The following ACYP2 variants were observed in gnomAD, a reference collection of about 807,000 sequenced individuals.
ACYP2 encodes the protein acylphosphatase-2.
ACYP2 carries 12 observed loss-of-function variants against 11.2 expected under a neutral mutation model. The ratio of observed to expected loss-of-function variants is 1.08; its 90% CI spans 0.69 to 1.74. The LOEUF (loss-of-function observed/expected upper bound fraction) is 1.74. ACYP2 is among the 40% of genes most tolerant of loss of function. ACYP2 has a pLI of 0.00. For missense variants in ACYP2, 134 were observed against 101.9 expected (o/e 1.31, Z -1.35); for synonymous variants, 43 against 32.2 (o/e 1.33, Z -1.13).
intron 2 of ACYP2, among the ~76,000 whole-genome samples, chr2:54,035,114 C>T (rs1200257840): frequency 1.3e-5 from 2 of 151,032 alleles, no homozygotes; most frequent in Non-Finnish European, 2.9e-5. Context: ...GGCAAAATCA[C>T]TTAACTTCTC....
At chr2:54,279,332 A>G (rs1052168770) in intron 6 of ACYP2, among the ~76,000 whole-genome samples, 2 of 152,218 alleles carry the variant, frequency 1.3e-5, no homozygotes, top group Non-Finnish European at 2.9e-5. Context: ...ATAGTGACCC[A>G]GTTGAGTAAA....
chr2:54,158,961 G>GCTAA lies in ACYP2; in HGVS notation c.404+20218_404+20221dup, dbSNP rs527671159. Among the ~76,000 whole-genome samples, 13 of 152,198 alleles carry GCTAA rather than the reference G, an allele frequency of 8.5e-5. No individual in the cohort carries two copies. The East Asian group carries it at 2.3e-3, about 27-fold the overall frequency. On this transcript the variant is annotated intron_variant, in intron 6 of 6. Transcript: ENST00000607452. ...TTTCTCTTTTTTGGGGCAAGGGTCA[G>GCTAA]CTAACTAAACATTTGGTTTGATATT...
intron 6 of ACYP2, chr2:54,141,958 C>T (rs953437290): frequency 8.9e-6 from 5 of 561,250 alleles, no homozygotes; most frequent in Middle Eastern, 2.7e-4. Flanking sequence ...CCACGTCAAC[C>T]TCCTGAGTGC....
intron 6 of ACYP2, among the ~76,000 whole-genome samples, chr2:54,257,071 G>GT (rs1305446792): frequency 6.6e-6 from 1 of 151,968 alleles, no homozygotes; most frequent in Admixed American, 6.6e-5. Flanking sequence ...TTTCTGCTCT[G>GT]TTTAAGAAAT....
chr2:54,255,303 C>T, intron 6 of ACYP2: 5 of 1,614,132 alleles, frequency 3.1e-6, no homozygotes, highest in Non-Finnish European at 2.5e-6. Context: ...GTCTGAGCTC[C>T]TTCACTTCCA....
chr2:54,179,115 C>CG (rs1683596527), intron 6 of ACYP2, among the ~76,000 whole-genome samples: 1 of 151,870 alleles, frequency 6.6e-6, no homozygotes, highest in African/African-American at 2.4e-5. Flanking sequence ...TTAATAAGCA[C>CG]ATTAAGGGAA....
At position 54,198,037 on chromosome 2, in the gene ACYP2, T is replaced by G. The variant is rs141544119; in HGVS notation, c.404+59289T>G. On this transcript the variant is annotated intron_variant, in intron 6 of 6. Coordinates refer to ENST00000607452, the MANE Select transcript of ACYP2 (RefSeq NM_001320586.2). ...GTATTGTATTGTATTGTATTGTATT[T>G]TAAGACAGTTTCACTTTTGTCACCC... 6.9e-3 allele frequency among the ~76,000 whole-genome samples: 1,017 copies of G among 146,772 alleles called. 5 individuals carry two copies. The highest frequency in any genetic ancestry group is 0.011 in the Non-Finnish European group (752 of 66,204).
intron 6 of ACYP2, chr2:54,254,732 G>A: frequency 1.7e-6 from 1 of 596,438 alleles, no homozygotes; most frequent in East Asian, 2.8e-5. Flanking sequence ...AAGACGACCA[G>A]GTGAAAGGGG....
chr2:54,018,230 T>TC (rs1417991539), intron 2 of ACYP2, among the ~76,000 whole-genome samples: 2 of 152,132 alleles, frequency 1.3e-5, no homozygotes, highest in East Asian at 3.8e-4. Flanking sequence ...ACTGAGCCCC[T>TC]CCCCCAGAGT....
chr2:54,179,983 C>A (rs1683635543), intron 6 of ACYP2, among the ~76,000 whole-genome samples: 1 of 152,152 alleles, frequency 6.6e-6, no homozygotes, highest in Admixed American at 6.6e-5. Flanking sequence ...CAAGTCTCGG[C>A]CTCTGGAACT....
chr2:54,141,640 A>G (rs183497347), intron 6 of ACYP2, among the ~76,000 whole-genome samples: 1 of 152,288 alleles, frequency 6.6e-6, no homozygotes, highest in Non-Finnish European at 1.5e-5. Context: ...TCAGTATACC[A>G]TATTGATTTA....
intron 2 of ACYP2, among the ~76,000 whole-genome samples, chr2:54,047,979 G>C (rs1675614997): frequency 6.6e-6 from 1 of 152,188 alleles, no homozygotes; most frequent in Non-Finnish European, 1.5e-5. Flanking sequence ...CTGGTTCCAT[G>C]GTTGCAGGTG....
intron 2 of ACYP2, among the ~76,000 whole-genome samples, chr2:54,034,769 G>A (rs917986926): frequency 2.0e-5 from 3 of 152,078 alleles, no homozygotes; most frequent in Admixed American, 6.6e-5. Context: ...CCAGCACTTT[G>A]GGAGGCCGAG....
At chr2:53,992,142 CCTTT>C (rs1233066691) in intron 2 of ACYP2, among the ~76,000 whole-genome samples, 10 of 148,444 alleles carry the variant, frequency 6.7e-5, no homozygotes, top group African/African-American at 1.0e-4. Flanking sequence ...TTTCTTCCTT[CCTTT>C]CTTTCTTTCC....
chr2:54,069,952 C>A (rs955156633), intron 4 of ACYP2, among the ~76,000 whole-genome samples: 1 of 152,124 alleles, frequency 6.6e-6, no homozygotes, highest in South Asian at 2.1e-4. Flanking sequence ...TAAGTTAAAT[C>A]TCAAGATGTT....
At chr2:54,206,990 CT>C (rs1479779732) in intron 6 of ACYP2, among the ~76,000 whole-genome samples, 1 of 151,692 alleles carries the variant, frequency 6.6e-6, no homozygotes, top group Non-Finnish European at 1.5e-5. Flanking sequence ...TTAGAGTTCT[CT>C]AGAGAAGCAG....
chr2:54,011,428 A>G (rs537140193), intron 2 of ACYP2, among the ~76,000 whole-genome samples: 3 of 152,226 alleles, frequency 2.0e-5, no homozygotes, highest in Middle Eastern at 3.4e-3. Flanking sequence ...TCTTGCTTCC[A>G]TTCTTAGATT....
chr2:54,044,446 GAAAA>G (rs35003111), intron 2 of ACYP2, among the ~76,000 whole-genome samples: 2 of 139,444 alleles, frequency 1.4e-5, no homozygotes, highest in Non-Finnish European at 3.1e-5. Flanking sequence ...AATACCAAAA[GAAAA>G]AAAAAAAAAG....
intron 4 of ACYP2, chr2:54,084,873 G>A (rs369193791): frequency 4.6e-5 from 7 of 152,126 alleles, no homozygotes; most frequent in African/African-American, 1.7e-4. Flanking sequence ...TCCCTCATTG[G>A]GAAAATTTAA....
Sources: allele counts gnomAD v4.1 joint callset (sites outside exome capture counted in the v4.1 genomes callset), GRCh38; gene constraint gnomAD v4.1.1; transcripts MANE v1.5; gene names NCBI Gene and HGNC (gene_info 2026-07-23, HGNC 2026-07-21).